PIGT: variants seen among roughly 807,000 people sequenced by gnomAD.
PIGT encodes GPI-anchor transamidase component PIGT.
A neutral mutation model predicts 66.7 loss-of-function variants in PIGT; 57 were observed. The ratio of observed to expected loss-of-function variants is 0.86; its 90% CI spans 0.69 to 1.07. The LOEUF (loss-of-function observed/expected upper bound fraction) is 1.07, where lower values mean the gene tolerates loss of function less well. Among genes scored for constraint, PIGT ranks in the 50% least tolerant of loss-of-function variants. The pLI, the probability that PIGT is intolerant of heterozygous loss-of-function variation, is 0.00. For missense variants in PIGT, 725 were observed against 740.4 expected (o/e 0.98, Z 0.24); for synonymous variants, 362 against 320.5 (o/e 1.13, Z -1.38).
At chr20:45,421,315 TG>T in intron 8 of PIGT, 67 bp from the exon 9 acceptor site, 1 of 1,384,538 alleles carries the variant, frequency 7.2e-7, no homozygotes, top group Non-Finnish European at 9.9e-7. Context: ...GAACATGGCC[TG>T]GGCAGGTGGG....
At chr20:45,422,518 C>G (rs1245035440) in intron 9 of PIGT, 2 of 150,944 alleles carry the variant, frequency 1.3e-5, no homozygotes, top group African/African-American at 4.9e-5. Flanking sequence ...ATGATCATGG[C>G]TCATTGCAGT....
At chr20:45,420,024 C>A in intron 5 of PIGT, 112 bp from the exon 6 acceptor site, 1 of 766,190 alleles carries the variant, frequency 1.3e-6, no homozygotes, top group Non-Finnish European at 2.2e-6. Context: ...GGTAGCAAAT[C>A]GATGGATGTG....
At chr20:45,418,817 C>T (rs1990151929) in intron 2 of PIGT, 35 bp from the exon 3 acceptor site, 1 of 1,612,520 alleles carries the variant, frequency 6.2e-7, no homozygotes, top group Non-Finnish European at 8.5e-7. Context: ...CAGAGGTAGC[C>T]CCAGGACAGT....
intron 2 of PIGT, 78 bp downstream of exon 2, chr20:45,416,772 C>T: frequency 7.4e-7 from 1 of 1,345,648 alleles, no homozygotes; most frequent in Non-Finnish European, 1.0e-6. Flanking sequence ...TGCCACTGCT[C>T]TTGGGGACAG....
chr20:45,422,449 T>TC (rs964247791), intron 9 of PIGT: 3 of 150,218 alleles, frequency 2.0e-5, no homozygotes, highest in Admixed American at 6.6e-5. Flanking sequence ...CTGCAGCCTT[T>TC]TTTTTTTTTT....
intron 5 of PIGT, 163 bp downstream of exon 5, chr20:45,419,753 A>AG: frequency 1.6e-6 from 1 of 640,386 alleles, no homozygotes; most frequent in Non-Finnish European, 2.8e-6. Context: ...GTGGTTGCCT[A>AG]GCAAGCACTG....
rs769147480 is a variant in PIGT at position 45,416,333 on chromosome 20, G to C, written c.177G>C (p.Gln59His). Reference sequence around the variant, plus strand: ...GCACGCGCTGGGATTCGGAGCTTCAGCGGGAAGGAGGTGAGGGCGCGAGAT... The same window carrying C: ...GCACGCGCTGGGATTCGGAGCTTCACCGGGAAGGAGGTGAGGGCGCGAGAT... Reference protein sequence around the residue: ...QFRTRWDSELQREGVSHYRLF... With the variant: ...QFRTRWDSELHREGVSHYRLF... Residue 59 changes from glutamine (Q) to histidine (H), a missense_variant, in exon 1 of 12, where the codon CAG (glutamine) becomes CAC (histidine). Gln to His is a conservative substitution (Grantham distance 24). Around this residue, in one of 3 missense-constraint regions of PIGT, gnomAD observed 559 missense variants for 552.7 expected, o/e 1.01. Transcript: ENST00000279036. The C allele has an allele frequency of 1.3e-6, 2 of 1,588,620 alleles. No homozygotes were observed. Among genetic ancestry groups the C allele is most frequent in the South Asian group, 2.3e-5 (2 of 87,948 alleles).
intron 9 of PIGT, chr20:45,421,833 T>C (rs1285271667): frequency 4.5e-6 from 2 of 440,108 alleles, no homozygotes; most frequent in East Asian, 7.8e-5. Context: ...ACAAGGACAG[T>C]AGCTTCCTTT....
intron 2 of PIGT, chr20:45,417,996 C>T (rs1264527764): frequency 2.0e-5 from 3 of 152,194 alleles, no homozygotes; most frequent in Admixed American, 6.5e-5. Context: ...CCGTAATTGC[C>T]TGAAATGTGG....
In PIGT at chr20:45,425,608, C is replaced by T. The variant is rs146484791; in HGVS notation, c.1519C>T (p.Arg507Trp). The change falls in exon 12 of 12, where the codon CGG becomes TGG. Residue 507 changes from arginine to tryptophan, a missense_variant. By Grantham distance (101) the Arg-to-Trp change is moderately radical (BLOSUM62 -3). Around this residue, in one of 3 missense-constraint regions of PIGT, gnomAD observed 162 missense variants for 171.1 expected, o/e 0.95. Transcript: ENST00000279036. ...CTCTGATGGCTCTAACTACTTTGTG[C>T]GGCTCTACACGGAGCCGCTGCTGGT... is the stretch of plus-strand genomic sequence containing the variant. ...PVSDGSNYFV[R>W]LYTEPLLVNL... 22 of 1,613,594 alleles carry T rather than the reference C, an allele frequency of 1.4e-5. No homozygotes were observed. The highest frequency in any genetic ancestry group is 3.3e-5 in the Admixed American group (2 of 59,982).
chr20:45,419,689 A>C (rs1990226407), intron 5 of PIGT, 99 bp downstream of exon 5: 1 of 857,764 alleles, frequency 1.2e-6, no homozygotes, highest in East Asian at 2.4e-5. Flanking sequence ...GTGAGTACTG[A>C]GTGGTAGATG....
At chr20:45,424,679 C>A in intron 11 of PIGT, 100 bp downstream of exon 11, 1 of 827,802 alleles carries the variant, frequency 1.2e-6, no homozygotes, top group Non-Finnish European at 2.1e-6. Context: ...GTAGATGTTA[C>A]ATCTTCCAAA....
rs1157175391 is a variant in PIGT, at chr20:45,420,420, C to T, written c.858C>T (p.Thr286=). Residue 286 remains threonine, a synonymous_variant, in exon 7 of 12, where the codon ACC becomes ACT. Transcript: ENST00000279036. ...GCCGAGTCTATGTGGACATCACCAC[C>T]TACAACCAGGTAACAAGGTCTCCAG... ...SESRVYVDIT[T]YNQDNETLEV... 3.1e-6 allele frequency: 5 copies of T among 1,613,168 alleles called. No individual in the cohort carries two copies. The highest frequency in any genetic ancestry group is 1.1e-5 in the South Asian group (1 of 91,012).
At chr20:45,419,469 A>AG in intron 4 of PIGT, 35 bp from the exon 5 acceptor site, 1 of 1,613,398 alleles carries the variant, frequency 6.2e-7, no homozygotes, top group Non-Finnish European at 8.5e-7. Context: ...AGTGCTCCAT[A>AG]CAGGGCTTCT....
In PIGT at chr20:45,426,089, C is replaced by A; in HGVS notation, c.*263C>A. The A allele has an allele frequency of 1.8e-6, 1 of 547,794 alleles. No individual in the cohort carries two copies. The highest frequency in any genetic ancestry group is 3.3e-6 in the Non-Finnish European group (1 of 306,080). The allele number at this position is 547,794 out of a possible 1,614,324, so 33.9% of individuals were successfully genotyped here. A position where few individuals can be genotyped will look rare whatever the true frequency, so the allele number is the denominator to read the frequency against. ...CTCAATAAGCAAAAGTGGTCGGTGG[C>A]TGCTGTATTGGACAGCACAGAAAAA... On this transcript the variant is annotated 3_prime_UTR_variant, in exon 12 of 12. Transcript: ENST00000279036.
intron 5 of PIGT, 63 bp downstream of exon 5, chr20:45,419,653 T>C: frequency 3.4e-6 from 4 of 1,164,792 alleles, no homozygotes; most frequent in Non-Finnish European, 5.2e-6. Context: ...ATGTAAAGCA[T>C]GTGGTCAGTG....
intron 9 of PIGT, chr20:45,422,042 A>G (rs1241551501): frequency 6.6e-6 from 1 of 151,948 alleles, no homozygotes; most frequent in African/African-American, 2.4e-5. Flanking sequence ...TTTTATTAAA[A>G]TTTATTTTTA....
chr20:45,416,156 C>CATGGCGGCGGCT lies in PIGT; in HGVS notation c.4_15dup (p.Ala2_Met5dup), dbSNP rs1568943493. 1 of 1,556,950 alleles carries CATGGCGGCGGCT rather than the reference C, an allele frequency of 6.4e-7. No individual in the cohort carries two copies. The highest frequency in any genetic ancestry group is 1.9e-5 in the Admixed American group (1 of 51,908). ...CTGGGTAGGCGGAAGTAGCCGCAGGCATGGCGGCGGCTATGCCGCTTGCTC... is the reference window on the plus strand; with the variant it reads ...CTGGGTAGGCGGAAGTAGCCGCAGGCATGGCGGCGGCTATGGCGGCGGCTATGCCGCTTGCTC... On this transcript the variant is annotated 5_prime_UTR_variant, in exon 1 of 12. It adds an upstream start codon to the 5' untranslated region. Coordinates refer to ENST00000279036, the MANE Select transcript of PIGT (RefSeq NM_015937.6).
intron 2 of PIGT, 96 bp downstream of exon 2, chr20:45,416,790 A>G (rs777592948): frequency 2.6e-6 from 3 of 1,132,782 alleles, no homozygotes; most frequent in Non-Finnish European, 2.4e-6. Context: ...CAGCACTTCC[A>G]GTAGGCAGCG....
Sources: allele counts gnomAD v4.1 joint callset, GRCh38; gene constraint gnomAD v4.1.1; regional missense constraint gnomAD v4.1.1; transcripts MANE v1.5; gene names NCBI Gene and HGNC (gene_info 2026-07-23, HGNC 2026-07-21).